The following ZNF536 variants were observed in gnomAD, a reference collection of about 807,000 sequenced individuals.
ZNF536 encodes zinc finger protein 536.
ZNF536 carries 13 observed loss-of-function variants against 84.5 expected under a neutral mutation model. The ratio of observed to expected loss-of-function variants is 0.15; its 90% CI spans 0.10 to 0.24. The LOEUF (loss-of-function observed/expected upper bound fraction) is 0.24. Among genes scored for constraint, ZNF536 ranks in the 10% least tolerant of loss-of-function variants. ZNF536 has a pLI of 1.00. For synonymous variants in ZNF536, 811 were observed against 742.5 expected, an observed-to-expected ratio of 1.09 and a Z score of -1.50; for missense variants, 1,536 against 1,747.5, an observed-to-expected ratio of 0.88 and a Z score of 2.16.
chr19:30,701,415 A>G (rs2051961527), intron 1 of ZNF536, among the ~76,000 whole-genome samples: 1 of 151,486 alleles, frequency 6.6e-6, no homozygotes, highest in South Asian at 2.1e-4. Context: ...ACAGACACAA[A>G]AACACACAAA....
At chr19:30,329,440 T>C (rs759829584) in intron 2 of ZNF536, among the ~76,000 whole-genome samples, 1 of 152,180 alleles carries the variant, frequency 6.6e-6, no homozygotes, top group Non-Finnish European at 1.5e-5. Context: ...AGAATATCTG[T>C]TCTACAGAAT....
chr19:30,518,756 G>T (rs1029196206), intron 2 of ZNF536, among the ~76,000 whole-genome samples: 2 of 152,196 alleles, frequency 1.3e-5, no homozygotes, highest in African/African-American at 4.8e-5. Flanking sequence ...CCTAGCTAAA[G>T]GTTGGGGGTG....
chr19:30,458,270 G>T (rs144787227), intron 2 of ZNF536, among the ~76,000 whole-genome samples: 2 of 151,680 alleles, frequency 1.3e-5, no homozygotes, highest in African/African-American at 4.8e-5. Flanking sequence ...TAGAAGATTC[G>T]GAGACGCCTC....
At chr19:30,652,103 A>C (rs1400764348) in intron 1 of ZNF536, among the ~76,000 whole-genome samples, 1 of 152,194 alleles carries the variant, frequency 6.6e-6, no homozygotes, top group Non-Finnish European at 1.5e-5. Flanking sequence ...ATTGGGTTTT[A>C]TGTAATAACT....
intron 1 of ZNF536, among the ~76,000 whole-genome samples, chr19:30,703,692 G>C (rs1333456729): frequency 6.6e-6 from 1 of 152,212 alleles, no homozygotes; most frequent in African/African-American, 2.4e-5. Flanking sequence ...GAACCAGGCA[G>C]AGCTTCCCCT....
At chr19:30,677,677 A>G (rs2050802024) in intron 1 of ZNF536, among the ~76,000 whole-genome samples, 1 of 152,224 alleles carries the variant, frequency 6.6e-6, no homozygotes, top group South Asian at 2.1e-4. Context: ...TGTGAATTAT[A>G]TGTAATTGTA....
chr19:30,464,874 G>T (rs1428127066), intron 2 of ZNF536, among the ~76,000 whole-genome samples: 1 of 152,080 alleles, frequency 6.6e-6, no homozygotes, highest in Non-Finnish European at 1.5e-5. Flanking sequence ...TGGAGGCCTA[G>T]AGGGCCCCTT....
chr19:30,463,188 A>G (rs2053234387), intron 2 of ZNF536, among the ~76,000 whole-genome samples: 1 of 152,096 alleles, frequency 6.6e-6, no homozygotes, highest in Admixed American at 6.5e-5. Context: ...TTATTATTAC[A>G]TAGGGTGGAT....
Position 30,444,997 on chromosome 19 carries a change from G to A in ZNF536, c.1435G>A (p.Gly479Ser), listed in dbSNP as rs867334103. The A allele has an allele frequency of 2.5e-6, 4 of 1,611,346 alleles. No individual in the cohort carries two copies. The highest frequency in any genetic ancestry group is 2.5e-6 in the Non-Finnish European group (3 of 1,178,716). ...GTCTCCCATCTCCAGCATGGCCCAC[G>A]GCGTCCCGGAGGGGGACAAGCACTC... ...LLSPISSMAH[G>S]VPEGDKHSLL... Residue 479 changes from glycine to serine, a missense_variant, in exon 2 of 5, where the codon GGC becomes AGC. Transcript: ENST00000355537.
At chr19:30,590,240 A>G (rs1048640114) in intron 1 of ZNF536, among the ~76,000 whole-genome samples, 5 of 152,108 alleles carry the variant, frequency 3.3e-5, no homozygotes, top group South Asian at 2.1e-4. Flanking sequence ...GCATCCATCA[A>G]TGTTGGACAT....
intron 1 of ZNF536, among the ~76,000 whole-genome samples, chr19:30,626,161 G>C (rs2048668327): frequency 6.6e-6 from 1 of 152,192 alleles, no homozygotes; most frequent in Non-Finnish European, 1.5e-5. Flanking sequence ...CCAGAGCACG[G>C]GGATGATAAA....
rs1050060599 is a variant in ZNF536, at chr19:30,636,129, T to C, written c.170-74628T>C. Among the ~76,000 whole-genome samples, 6 of 152,324 alleles carry C rather than the reference T, an allele frequency of 3.9e-5. 1 individual carries two copies. The highest frequency in any genetic ancestry group is 1.4e-4 in the African/African-American group (6 of 41,580). On this transcript the variant is annotated intron_variant, in intron 1 of 1. Transcript: ENST00000592773. ...CTTGGTGGGGCCCGGGTGTGGCGTG[T>C]CATCCCTTCACAATGGTGGTCAGCC...
chr19:30,392,221 A>C (rs945390007), intron 1 of ZNF536, among the ~76,000 whole-genome samples: 1 of 152,050 alleles, frequency 6.6e-6, no homozygotes, highest in Non-Finnish European at 1.5e-5. Context: ...CAGCGCTCTC[A>C]TGGGTCTCCT....
intron 1 of ZNF536, among the ~76,000 whole-genome samples, chr19:30,624,549 G>GA (rs2048606081): frequency 6.6e-6 from 1 of 152,164 alleles, no homozygotes; most frequent in African/African-American, 2.4e-5. Context: ...TCTTTGGAAG[G>GA]AAAACAATAA....
chr19:30,467,712 T>C (rs1338114617), intron 2 of ZNF536, among the ~76,000 whole-genome samples: 1 of 152,224 alleles, frequency 6.6e-6, no homozygotes, highest in Non-Finnish European at 1.5e-5. Context: ...TCTGCAGTAA[T>C]GTGCTGTGCT....
At chr19:30,526,385 G>A (rs1429541676) in intron 2 of ZNF536, among the ~76,000 whole-genome samples, 12 of 152,294 alleles carry the variant, frequency 7.9e-5, no homozygotes, top group East Asian at 1.9e-4. Flanking sequence ...CCCATGGGTG[G>A]CCTAATCCCC....
rs1311552633 is a variant in ZNF536, at chr19:30,626,302, TCC to T, written c.169+76789_169+76790del. 8.5e-5 allele frequency among the ~76,000 whole-genome samples: 13 copies of T among 152,202 alleles called. 1 individual carries two copies. The highest frequency in any genetic ancestry group is 2.7e-4 in the African/African-American group (11 of 41,458). ...TAAAAATTTAGCAATTTTTTCCCCTTCCTAATTATCTTCTATATTTTTGCCAG... is the reference window on the plus strand; with the variant it reads ...TAAAAATTTAGCAATTTTTTCCCCTTTAATTATCTTCTATATTTTTGCCAG... On this transcript the variant is annotated intron_variant, in intron 1 of 1. Coordinates refer to the ZNF536 transcript ENST00000592773.
chr19:30,398,175 C>T (rs2049897573), intron 1 of ZNF536, among the ~76,000 whole-genome samples: 1 of 152,166 alleles, frequency 6.6e-6, no homozygotes, highest in Non-Finnish European at 1.5e-5. Flanking sequence ...TTGATCACGT[C>T]TGTAGATTCC....
chr19:30,490,470 T>C (rs1454571707), intron 2 of ZNF536, among the ~76,000 whole-genome samples: 1 of 152,172 alleles, frequency 6.6e-6, no homozygotes, highest in Non-Finnish European at 1.5e-5. Flanking sequence ...CCAGCTCACA[T>C]CCCTTGCTGA....
Sources: gnomAD v4.1 joint callset for allele counts (sites outside exome capture counted in the v4.1 genomes callset) on GRCh38, gnomAD v4.1.1 for gene constraint, MANE v1.5 for transcripts, NCBI Gene and HGNC (gene_info 2026-07-23, HGNC 2026-07-21) for gene names.